CD72: variants seen among roughly 807,000 people sequenced by gnomAD.
CD72 encodes the protein B-cell differentiation antigen CD72.
A neutral mutation model predicts 50.7 loss-of-function variants in CD72; 28 were observed. The ratio of observed to expected loss-of-function variants is 0.55; its 90% CI spans 0.41 to 0.76. The LOEUF is 0.76. Among genes scored for constraint, CD72 ranks in the 30% least tolerant of loss-of-function variants. The probability of loss-of-function intolerance (pLI) is 0.00; values close to 1 mark genes in which losing one functional copy is unlikely to be tolerated. For missense variants in CD72, 403 were observed against 420.6 expected (o/e 0.96, Z 0.37); for synonymous variants, 176 against 171.2 (o/e 1.03, Z -0.22).
intron 3 of CD72, 51 bp from the exon 4 acceptor site, chr9:35,616,740 T>G: frequency 6.8e-7 from 1 of 1,472,836 alleles, no homozygotes; most frequent in East Asian, 2.3e-5. Context: ...GTAAAGAATG[T>G]AGAGAGGAAG....
intron 4 of CD72, 38 bp from the exon 5 acceptor site, chr9:35,616,316 G>C (rs1233694403): frequency 6.6e-7 from 1 of 1,521,322 alleles, no homozygotes; most frequent in Non-Finnish European, 9.0e-7. Flanking sequence ...GTCTTCTCCA[G>C]CCCTGCCCTA....
In CD72 at chr9:35,616,174, T is replaced by C; in HGVS notation, c.457A>G (p.Ser153Gly). 2 of 1,613,926 alleles carry C rather than the reference T, an allele frequency of 1.2e-6. No individual in the cohort carries two copies. The highest frequency in any genetic ancestry group is 1.7e-6 in the Non-Finnish European group (2 of 1,179,808). ...LRLKITQLGQ[S>G]AEDLQGSRRE... ...CTGGACCCCTGCAGATCCTCTGCAC[T>C]CTGTCCCAGCTGCGTTATCTTGAGG... Residue 153 changes from serine to glycine, a missense_variant, in exon 5 of 9, where the codon AGT (serine) becomes GGT (glycine). Ser to Gly is a moderately conservative substitution (Grantham distance 56). Coordinates refer to ENST00000259633, the MANE Select transcript of CD72 (RefSeq NM_001782.3).
At chr9:35,638,992 T>C (rs10972537) in intron 1 of CD72, among the ~76,000 whole-genome samples, 8,218 of 151,590 alleles carry the variant, frequency 0.054, 327 homozygotes, top group Middle Eastern at 0.11. Flanking sequence ...TTTACCGCCC[T>C]AGACCCAGAG....
chr9:35,618,753 C>T (rs762066299), upstream of CD72: 8 of 1,285,906 alleles, frequency 6.2e-6, no homozygotes, highest in South Asian at 8.7e-5. Flanking sequence ...CAGACGATCT[C>T]CCCAGCTCCA....
intron 5 of CD72, among the ~76,000 whole-genome samples, chr9:35,614,753 C>T (rs1823041194): frequency 6.6e-6 from 1 of 152,070 alleles, no homozygotes; most frequent in African/African-American, 2.4e-5. Context: ...GTAATCTCAG[C>T]ACTTTGGGAG....
At chr9:35,617,054 T>TCGGAAGGACTGCGCCCGGGTTTATCC in intron 3 of CD72, 122 bp downstream of exon 3, 2 of 1,477,130 alleles carry the variant, frequency 1.4e-6, no homozygotes, top group South Asian at 2.7e-5. Flanking sequence ...AGCCCGGGCG[T>TCGGAAGGACTGCGCCCGGGTTTATCC]CGGAAGGACT....
intron 2 of CD72, 140 bp downstream of exon 2, chr9:35,617,874 T>A: frequency 1.4e-6 from 1 of 693,090 alleles, no homozygotes; most frequent in Non-Finnish European, 2.6e-6. Context: ...GAGGCTGCAG[T>A]GAGCCATGAT....
intron 1 of CD72, among the ~76,000 whole-genome samples, chr9:35,641,077 C>T (rs35086155): frequency 0.18 from 27,073 of 152,128 alleles, 2,956 homozygotes; most frequent in Non-Finnish European, 0.24. Context: ...CTCAGTGCCC[C>T]CTCTCAACAG....
upstream of CD72, among the ~76,000 whole-genome samples, chr9:35,619,331 T>C (rs910459601): frequency 6.6e-6 from 1 of 152,126 alleles, no homozygotes; most frequent in African/African-American, 2.4e-5. Flanking sequence ...TAATGTTCTT[T>C]TACCGGGATG....
Position 35,632,761 on chromosome 9 carries a change from A to G in CD72, n.408+13642T>C, listed in dbSNP as rs1434977652. 2.0e-5 allele frequency among the ~76,000 whole-genome samples: 3 copies of G among 148,428 alleles called. No individual in the cohort carries two copies. The Admixed American group carries it at 2.0e-4, about 10-fold the overall frequency. ...CCTGCTAATTTTTGTATTTTTTAGG[A>G]GAGACAGGTTTTCACCGTGTTGGCC... On this transcript the variant is annotated intron_variant and non_coding_transcript_variant, in intron 1 of 3. Transcript: ENST00000465754.
chr9:35,615,713 T>G (rs1587901717), intron 5 of CD72, among the ~76,000 whole-genome samples: 3 of 150,016 alleles, frequency 2.0e-5, no homozygotes, highest in Non-Finnish European at 4.4e-5. Flanking sequence ...GCTGCCATCC[T>G]CCTCTCCCCT....
chr9:35,645,451 G>C (rs1823382700), intron 1 of CD72, among the ~76,000 whole-genome samples: 1 of 151,816 alleles, frequency 6.6e-6, no homozygotes, highest in Non-Finnish European at 1.5e-5. Context: ...GCATGGTGGT[G>C]CACACCTGTA....
chr9:35,616,885 C>T, intron 3 of CD72, 196 bp from the exon 4 acceptor site: 1 of 1,128,800 alleles, frequency 8.9e-7, no homozygotes, highest in Non-Finnish European at 1.2e-6. Flanking sequence ...GTTCCAGAAT[C>T]AGTGCTGGTG....
At chr9:35,632,614 T>C (rs908931874) in intron 1 of CD72, among the ~76,000 whole-genome samples, 2 of 151,564 alleles carry the variant, frequency 1.3e-5, no homozygotes, top group African/African-American at 4.8e-5. Context: ...CCTTACTCTG[T>C]CGCCCAGGCT....
Position 35,611,074 on chromosome 9 carries a change from A to AC in CD72, c.951-322dup, listed in dbSNP as rs1822974957. On this transcript the variant is annotated intron_variant, in intron 7 of 8. Transcript: ENST00000259633. Reference sequence around the variant, plus strand: ...AGACCATCCTGACTAACACGGTGAAACCCCGTCTCTACTAAAAATACAAAA... The same window carrying AC: ...AGACCATCCTGACTAACACGGTGAAACCCCCGTCTCTACTAAAAATACAAAA... 1.3e-5 allele frequency among the ~76,000 whole-genome samples: 2 copies of AC among 152,106 alleles called. 1 individual carries two copies. The highest frequency in any genetic ancestry group is 4.1e-4 in the South Asian group (2 of 4,824).
chr9:35,626,537 T>C lies in CD72; in HGVS notation n.409-8416A>G, dbSNP rs146792461. Among the ~76,000 whole-genome samples, 905 of 152,374 alleles carry C rather than the reference T, an allele frequency of 5.9e-3. 7 individuals carry two copies. The highest frequency in any genetic ancestry group is 0.01 in the Non-Finnish European group (695 of 68,040). On this transcript the variant is annotated intron_variant and non_coding_transcript_variant, in intron 1 of 3. Coordinates refer to the CD72 transcript ENST00000465754. ...TTGACTCCAATTTTGAAAGTTCTGC[T>C]GTGCATAAAATGCTACCAAACATTG...
intron 1 of CD72, chr9:35,642,418 G>C (rs1281097541): frequency 6.6e-6 from 1 of 152,196 alleles, no homozygotes; most frequent in Non-Finnish European, 1.5e-5. Flanking sequence ...AAGATCACCT[G>C]TATTATTTTA....
chr9:35,637,694 C>T (rs187326284), intron 1 of CD72, among the ~76,000 whole-genome samples: 41 of 152,270 alleles, frequency 2.7e-4, no homozygotes, highest in Admixed American at 1.2e-3. Flanking sequence ...CTAATCACTG[C>T]GGGGATGCCT....
intron 1 of CD72, among the ~76,000 whole-genome samples, chr9:35,631,914 A>AATAAAAAT (rs1206202292): frequency 6.6e-6 from 1 of 152,096 alleles, no homozygotes; most frequent in Non-Finnish European, 1.5e-5. Flanking sequence ...TAAATAAATA[A>AATAAAAAT]AAATAAATAA....
Sources: gnomAD v4.1 joint callset for allele counts (sites outside exome capture counted in the v4.1 genomes callset) on GRCh38, gnomAD v4.1.1 for gene constraint, MANE v1.5 for transcripts, NCBI Gene and HGNC (gene_info 2026-07-23, HGNC 2026-07-21) for gene names.